RORA: variants seen among roughly 807,000 people sequenced by gnomAD.
The protein encoded by RORA is RAR related orphan receptor A, also known as nuclear receptor ROR-alpha.
Under a neutral mutation model 69.5 loss-of-function variants are expected in RORA, and 7 were observed. The ratio of observed to expected loss-of-function variants is 0.10; its 90% confidence interval spans 0.06 to 0.19. RORA has a LOEUF of 0.19. RORA is among the 10% of genes least tolerant of loss of function. The probability of loss-of-function intolerance (pLI) is 1.00; values close to 1 mark genes in which losing one functional copy is unlikely to be tolerated. For synonymous variants in RORA, 261 were observed against 240.8 expected, an observed-to-expected ratio of 1.08 and a Z score of -0.78; for missense variants, 457 against 663.0, an observed-to-expected ratio of 0.69 and a Z score of 3.41.
At chr15:61,038,472 C>G (rs1896576621) in intron 1 of RORA, among the ~76,000 whole-genome samples, 1 of 152,162 alleles carries the variant, frequency 6.6e-6, no homozygotes, top group African/African-American at 2.4e-5. Flanking sequence ...GTAATGAGAA[C>G]AGATAATTTT....
chr15:60,766,921 C>T (rs1027043711), intron 1 of RORA, among the ~76,000 whole-genome samples: 1 of 152,130 alleles, frequency 6.6e-6, no homozygotes, highest in African/African-American at 2.4e-5. Flanking sequence ...TCATTAACAA[C>T]CACAGCACTA....
At chr15:61,072,904 G>A (rs1228983467) in intron 1 of RORA, among the ~76,000 whole-genome samples, 1 of 152,158 alleles carries the variant, frequency 6.6e-6, no homozygotes, top group African/African-American at 2.4e-5. Flanking sequence ...TAAAAGTGTT[G>A]GAAGCATGTT....
intron 4 of RORA, 132 bp downstream of exon 4, chr15:60,514,484 T>A: frequency 2.5e-6 from 2 of 799,632 alleles, no homozygotes; most frequent in Non-Finnish European, 4.0e-6. Flanking sequence ...CAGAGGAGCA[T>A]GGGGGGCGGG....
intron 1 of RORA, among the ~76,000 whole-genome samples, chr15:60,781,017 A>G (rs890492836): frequency 1.3e-5 from 2 of 152,354 alleles, no homozygotes; most frequent in Non-Finnish European, 2.9e-5. Flanking sequence ...CAGATGGGGA[A>G]CTAAGACTTA....
At chr15:61,133,510 T>C (rs2079210337) in intron 1 of RORA, among the ~76,000 whole-genome samples, 1 of 151,264 alleles carries the variant, frequency 6.6e-6, no homozygotes, top group African/African-American at 2.4e-5. Flanking sequence ...ACCCGGAGAG[T>C]TGAGGGCTGA....
intron 2 of RORA, among the ~76,000 whole-genome samples, chr15:60,617,361 G>A (rs1044074493): frequency 3.9e-5 from 6 of 152,128 alleles, no homozygotes; most frequent in Admixed American, 2.6e-4. Context: ...AAATTTGGGG[G>A]CCCTATTTTT....
chr15:60,796,426 A>C (rs1427282065), intron 1 of RORA, among the ~76,000 whole-genome samples: 1 of 152,220 alleles, frequency 6.6e-6, no homozygotes, highest in Non-Finnish European at 1.5e-5. Context: ...GAAAATCTTT[A>C]AACTATTTGG....
chr15:60,909,668 G>A (rs1891645635), intron 1 of RORA, among the ~76,000 whole-genome samples: 2 of 152,192 alleles, frequency 1.3e-5, no homozygotes, highest in African/African-American at 4.8e-5. Flanking sequence ...TTCTGAACAG[G>A]ATCCCCACTA....
At chr15:60,633,367 G>A (rs923848110) in intron 2 of RORA, among the ~76,000 whole-genome samples, 4 of 152,186 alleles carry the variant, frequency 2.6e-5, no homozygotes, top group African/African-American at 9.7e-5. Context: ...GAAGCATAGT[G>A]TGATTTTTCT....
At chr15:61,183,329 G>A (rs566313132) in intron 1 of RORA, among the ~76,000 whole-genome samples, 21 of 152,284 alleles carry the variant, frequency 1.4e-4, no homozygotes, top group South Asian at 6.2e-4. Flanking sequence ...GAGGTCAGGC[G>A]TTCCAGGCCA....
chr15:60,535,776 TATA>T (rs1177592069), intron 2 of RORA, among the ~76,000 whole-genome samples: 34 of 152,174 alleles, frequency 2.2e-4, no homozygotes, highest in Admixed American at 3.9e-4. Flanking sequence ...TAATCTAATT[TATA>T]ATAATAATAT....
chr15:60,606,978 G>A (rs1339552023), intron 2 of RORA, among the ~76,000 whole-genome samples: 1 of 152,136 alleles, frequency 6.6e-6, no homozygotes, highest in African/African-American at 2.4e-5. Context: ...TTACTCCGAG[G>A]CTTTTTTCTC....
intron 1 of RORA, among the ~76,000 whole-genome samples, chr15:60,851,723 T>A (rs900761948): frequency 6.6e-6 from 1 of 150,706 alleles, no homozygotes; most frequent in African/African-American, 2.4e-5. Flanking sequence ...TGTGTGTGTG[T>A]GAGAGAGAGT....
intron 2 of RORA, among the ~76,000 whole-genome samples, chr15:60,591,993 G>T (rs1275249005): frequency 6.6e-6 from 1 of 151,946 alleles, no homozygotes; most frequent in Non-Finnish European, 1.5e-5. Context: ...TCCCGGGTGC[G>T]GGCCCTGGGG....
chr15:61,000,806 G>A (rs984470354), intron 1 of RORA, among the ~76,000 whole-genome samples: 3 of 152,278 alleles, frequency 2.0e-5, no homozygotes, highest in Non-Finnish European at 2.9e-5. Context: ...CAAGCAAAGC[G>A]GGAAGTGATC....
intron 1 of RORA, among the ~76,000 whole-genome samples, chr15:60,974,152 C>A (rs894715447): frequency 6.6e-6 from 1 of 152,202 alleles, no homozygotes; most frequent in Non-Finnish European, 1.5e-5. Flanking sequence ...CCTGCCCCCA[C>A]CCTGGCCCCC....
At chr15:61,186,041 C>T (rs541229375) in intron 1 of RORA, among the ~76,000 whole-genome samples, 1 of 152,336 alleles carries the variant, frequency 6.6e-6, no homozygotes, top group Admixed American at 6.5e-5. Flanking sequence ...TACTAAAGTT[C>T]TCTCTGTGGC....
At chr15:61,042,031 C>T (rs1236760713) in intron 1 of RORA, among the ~76,000 whole-genome samples, 1 of 152,136 alleles carries the variant, frequency 6.6e-6, no homozygotes, top group Non-Finnish European at 1.5e-5. Context: ...CAGCATCAGA[C>T]CCTCGTCTCT....
intron 1 of RORA, among the ~76,000 whole-genome samples, chr15:60,841,373 G>C (rs566052733): frequency 6.6e-6 from 1 of 152,306 alleles, no homozygotes; most frequent in African/African-American, 2.4e-5. Context: ...GGCTGCCGCG[G>C]CCACAGCCAT....
Sources: gnomAD v4.1 joint callset for allele counts (sites outside exome capture counted in the v4.1 genomes callset) on GRCh38, gnomAD v4.1.1 for gene constraint, MANE v1.5 for transcripts, NCBI Gene and HGNC (gene_info 2026-07-23, HGNC 2026-07-21) for gene names.